The following RBFOX3 variants were observed in gnomAD, a reference collection of about 807,000 sequenced individuals.
The protein encoded by RBFOX3 is RNA binding fox-1 homolog 3, also known as RNA binding protein fox-1 homolog 3.
Under a neutral mutation model 48.7 loss-of-function variants are expected in RBFOX3, and 17 were observed. That is an observed-to-expected ratio of 0.35 (90% CI 0.24 to 0.52). The LOEUF (loss-of-function observed/expected upper bound fraction) is 0.52, where lower values mean the gene tolerates loss of function less well. Among genes scored for constraint, RBFOX3 ranks in the 20% least tolerant of loss-of-function variants. The pLI, the probability that RBFOX3 is intolerant of heterozygous loss-of-function variation, is 0.94. For synonymous variants in RBFOX3, 212 were observed against 209.5 expected, an observed-to-expected ratio of 1.01 and a Z score of -0.10; for missense variants, 382 against 497.5, an observed-to-expected ratio of 0.77 and a Z score of 2.21.
chr17:79,487,995 C>T (rs1555770584), intron 1 of RBFOX3, among the ~76,000 whole-genome samples: 2 of 150,928 alleles, frequency 1.3e-5, no homozygotes, highest in Non-Finnish European at 1.5e-5. Context: ...CATCTGACGA[C>T]GGGATGGTCT....
At chr17:79,549,440 G>C (rs1568405660) in intron 1 of RBFOX3, among the ~76,000 whole-genome samples, 1 of 152,276 alleles carries the variant, frequency 6.6e-6, no homozygotes. Context: ...GCCAACTGCA[G>C]CTTTGAGGCG....
chr17:79,168,559 C>A (rs1446670494), intron 4 of RBFOX3, among the ~76,000 whole-genome samples: 1 of 152,248 alleles, frequency 6.6e-6, no homozygotes, highest in Non-Finnish European at 1.5e-5. Context: ...GTGTCCTCAC[C>A]CCCACTGGTC....
intron 4 of RBFOX3, among the ~76,000 whole-genome samples, chr17:79,171,924 C>A (rs2049386257): frequency 6.6e-6 from 1 of 152,120 alleles, no homozygotes; most frequent in Admixed American, 6.5e-5. Flanking sequence ...GTGATCCCAG[C>A]ACTTCAGGTG....
At chr17:79,136,021 G>A (rs560490134) in intron 4 of RBFOX3, 40 of 152,378 alleles carry the variant, frequency 2.6e-4, no homozygotes, top group African/African-American at 9.4e-4. Context: ...TTCCTAGCTA[G>A]GCGGAGGCCT....
rs1314229168 is a variant in RBFOX3 at position 79,473,951 on chromosome 17, C to G, written c.-175+8503G>C. Reference sequence around the variant, plus strand: ...CGCTCCTTTTCTGTTCTTTCCCCCACAGAACACAGATGTCTTTGAAAGCAC... The same window carrying G: ...CGCTCCTTTTCTGTTCTTTCCCCCAGAGAACACAGATGTCTTTGAAAGCAC... On this transcript the variant is annotated intron_variant, in intron 2 of 14. Coordinates refer to ENST00000693108, the MANE Select transcript of RBFOX3 (RefSeq NM_001350451.2). This position sits in a 1 kb window ranked among gnomAD's most constrained non-coding sequence, Gnocchi z 4.2. 6.6e-6 allele frequency among the ~76,000 whole-genome samples: 1 copy of G among 152,194 alleles called. No homozygotes were observed. The highest frequency in any genetic ancestry group is 1.5e-5 in the Non-Finnish European group (1 of 68,032).
intron 4 of RBFOX3, among the ~76,000 whole-genome samples, chr17:79,129,683 T>G (rs1831347565): frequency 6.6e-6 from 1 of 152,246 alleles, no homozygotes; most frequent in South Asian, 2.1e-4. Flanking sequence ...GGTAGTGGTG[T>G]GCTGGTAACA....
At chr17:79,612,847 C>T (rs2093979208), upstream of RBFOX3, among the ~76,000 whole-genome samples, 2 of 152,346 alleles carry the variant, frequency 1.3e-5, no homozygotes, top group African/African-American at 4.8e-5. Flanking sequence ...ACCTGTCTCC[C>T]TGCAGGCAGG....
Position 79,574,287 on chromosome 17 carries a change from A to C in RBFOX3, c.-320+36539T>G, listed in dbSNP as rs906945989. 5.7e-4 allele frequency among the ~76,000 whole-genome samples: 87 copies of C among 152,296 alleles called. 1 individual carries two copies. In the East Asian group the frequency reaches 7.2e-3, roughly 13 times the overall value. On this transcript the variant is annotated intron_variant, in intron 1 of 14. Transcript: ENST00000693108. ...GCTGGACTGCATTCCCTGGACATTA[A>C]GGCATTCTTAGTCACAGGATGAGAC...
chr17:79,216,743 A>G (rs1312861145), intron 4 of RBFOX3, among the ~76,000 whole-genome samples: 1 of 152,142 alleles, frequency 6.6e-6, no homozygotes, highest in Non-Finnish European at 1.5e-5. Context: ...ACACGCAAAC[A>G]GTAATTTTCA....
intron 4 of RBFOX3, among the ~76,000 whole-genome samples, chr17:79,162,721 C>G (rs2047213298): frequency 6.7e-6 from 1 of 150,162 alleles, no homozygotes; most frequent in Non-Finnish European, 1.5e-5. Flanking sequence ...GCTGTGCTAA[C>G]AAAGCCCTCG....
At chr17:79,579,600 C>T (rs918482312) in intron 1 of RBFOX3, among the ~76,000 whole-genome samples, 4 of 152,068 alleles carry the variant, frequency 2.6e-5, no homozygotes, top group Admixed American at 2.0e-4. Flanking sequence ...CCGGGGCTGG[C>T]GGGAGCTGGA....
chr17:79,579,437 C>T (rs2092972537), intron 1 of RBFOX3, among the ~76,000 whole-genome samples: 1 of 152,210 alleles, frequency 6.6e-6, no homozygotes, highest in Non-Finnish European at 1.5e-5. Flanking sequence ...TCCTTGGATA[C>T]TCAGGAAGAT....
chr17:79,504,284 C>T (rs1340384657), intron 1 of RBFOX3, among the ~76,000 whole-genome samples: 1 of 152,248 alleles, frequency 6.6e-6, no homozygotes, highest in Non-Finnish European at 1.5e-5. Context: ...CTAGCTTCTC[C>T]CTCGCCGAGT....
chr17:79,200,852 G>A (rs550440427), intron 4 of RBFOX3, among the ~76,000 whole-genome samples: 5 of 152,126 alleles, frequency 3.3e-5, no homozygotes, highest in South Asian at 2.1e-4. Context: ...CCATATCTGG[G>A]AAGCCAAGAC....
rs904077934 is a variant in RBFOX3 at position 79,582,109 on chromosome 17, T to C, written c.-320+28717A>G. ...GTATGCAAGCACGTGCCTGCCCGTG[T>C]ATGTGCCTGTGCGTGCCTGTGTATG... On this transcript the variant is annotated intron_variant, in intron 1 of 14. Coordinates refer to ENST00000693108, the MANE Select transcript of RBFOX3 (RefSeq NM_001350451.2). Among the ~76,000 whole-genome samples, 107 of 149,338 alleles carry C rather than the reference T, an allele frequency of 7.2e-4. 1 individual carries two copies. The highest frequency in any genetic ancestry group is 2.7e-4 in the Non-Finnish European group (18 of 67,462).
At chr17:79,170,627 T>C (rs2049079192) in intron 4 of RBFOX3, among the ~76,000 whole-genome samples, 1 of 152,006 alleles carries the variant, frequency 6.6e-6, no homozygotes, top group Non-Finnish European at 1.5e-5. Flanking sequence ...CCGCTAAAGC[T>C]TCCCCATCCA....
At chr17:79,453,604 G>A (rs2073953119) in intron 2 of RBFOX3, among the ~76,000 whole-genome samples, 1 of 152,226 alleles carries the variant, frequency 6.6e-6, no homozygotes. Flanking sequence ...TGCCGTTTAA[G>A]AGTGTGCAGA....
At chr17:79,168,631 C>T (rs983834668) in intron 4 of RBFOX3, among the ~76,000 whole-genome samples, 3 of 152,198 alleles carry the variant, frequency 2.0e-5, no homozygotes, top group Admixed American at 6.5e-5. Flanking sequence ...CGGCCTGGCC[C>T]GCTTGTCCAC....
upstream of RBFOX3, among the ~76,000 whole-genome samples, chr17:79,611,130 T>TCTCTCTCCCTCTCTCTCTCTCTCTC (rs1491548376): frequency 5.3e-5 from 2 of 37,846 alleles, no homozygotes; most frequent in East Asian, 1.7e-3. Flanking sequence ...TCCGCCCTCC[T>TCTCTCTCCCTCTCTCTCTCTCTCTC]TCTCTCTCTC....
Sources: allele counts gnomAD v4.1 joint callset (sites outside exome capture counted in the v4.1 genomes callset), GRCh38; gene constraint gnomAD v4.1.1; non-coding constraint Gnocchi (gnomAD v3.1); transcripts MANE v1.5; gene names NCBI Gene and HGNC (gene_info 2026-07-23, HGNC 2026-07-21).